The following STAU2 variants were observed in gnomAD, a reference collection of about 807,000 sequenced individuals.
STAU2 encodes the protein staufen double-stranded RNA binding protein 2, also known as double-stranded RNA-binding protein Staufen homolog 2.
In STAU2, 20 loss-of-function variants were observed where a neutral mutation model predicts 65.9. The observed-to-expected ratio is 0.30, with a 90% CI of 0.21 to 0.44. The LOEUF (loss-of-function observed/expected upper bound fraction) is 0.44, where lower values mean the gene tolerates loss of function less well. STAU2 is among the 20% of genes least tolerant of loss of function. STAU2 has a pLI of 1.00. For missense variants in STAU2, 558 were observed against 683.9 expected (o/e 0.82, Z 2.05); for synonymous variants, 232 against 233.9 (o/e 0.99, Z 0.07).
At chr8:73,584,249 C>A (rs1445815880) in intron 11 of STAU2, among the ~76,000 whole-genome samples, 1 of 152,192 alleles carries the variant, frequency 6.6e-6, no homozygotes, top group South Asian at 2.1e-4. Context: ...AAATTCCTGT[C>A]TTCATCAACA....
intron 4 of STAU2, among the ~76,000 whole-genome samples, chr8:73,700,275 CA>C (rs1428821444): frequency 6.6e-6 from 1 of 152,044 alleles, no homozygotes; most frequent in Admixed American, 6.5e-5. Context: ...CAAAGATGCC[CA>C]CTTTCACCAC....
chr8:73,699,860 C>CAAAAAAAAAAA (rs201419278), intron 4 of STAU2, among the ~76,000 whole-genome samples: 3 of 88,874 alleles, frequency 3.4e-5, no homozygotes, highest in African/African-American at 4.2e-5. Context: ...AAACACACAT[C>CAAAAAAAAAAA]AAAAAAAAAA....
chr8:73,507,657 G>T (rs1488530894), intron 13 of STAU2, among the ~76,000 whole-genome samples: 1 of 152,180 alleles, frequency 6.6e-6, no homozygotes, highest in African/African-American at 2.4e-5. Flanking sequence ...AAGTCAGCCT[G>T]TCCTTTGAAG....
intron 13 of STAU2, among the ~76,000 whole-genome samples, chr8:73,493,846 A>G (rs1214692458): frequency 6.6e-6 from 1 of 151,836 alleles, no homozygotes; most frequent in Non-Finnish European, 1.5e-5. Flanking sequence ...TCAGGTGTCT[A>G]TCAAAAGGAA....
At chr8:73,470,643 T>A (rs899635895) in intron 13 of STAU2, among the ~76,000 whole-genome samples, 31 of 151,668 alleles carry the variant, frequency 2.0e-4, no homozygotes, top group African/African-American at 4.4e-4. Flanking sequence ...ACAAAAAAAA[T>A]TTTTTTTTAA....
intron 13 of STAU2, among the ~76,000 whole-genome samples, chr8:73,444,213 C>G (rs1247093215): frequency 6.6e-6 from 1 of 152,058 alleles, no homozygotes; most frequent in Non-Finnish European, 1.5e-5. Context: ...TCGAGACCAG[C>G]CTGACCAACA....
At chr8:73,479,283 T>C (rs565073521) in intron 13 of STAU2, among the ~76,000 whole-genome samples, 5 of 152,252 alleles carry the variant, frequency 3.3e-5, no homozygotes, top group African/African-American at 1.2e-4. Context: ...TTTCTTCATT[T>C]TTTAAATAAT....
In STAU2 at chr8:73,565,335, G is replaced by C. The variant is rs566572571; in HGVS notation, c.1223-13016C>G. 5.9e-5 allele frequency among the ~76,000 whole-genome samples: 9 copies of C among 152,172 alleles called. No individual in the cohort carries two copies. In the South Asian group the frequency reaches 6.2e-4, roughly 11 times the overall value. On this transcript the variant is annotated intron_variant, in intron 12 of 14. Transcript: ENST00000524300. ...TCTCCTGCTGGCCATGTGAAGATGT[G>C]CTTGCTTCCCCTTTGCCATCTGCCA...
intron 11 of STAU2, among the ~76,000 whole-genome samples, chr8:73,589,386 A>C (rs73686836): frequency 0.18 from 27,803 of 152,170 alleles, 2,780 homozygotes; most frequent in African/African-American, 0.27. Flanking sequence ...GGAAGTCAAC[A>C]AAACAGGGCC....
intron 13 of STAU2, among the ~76,000 whole-genome samples, chr8:73,471,136 C>T (rs1265821827): frequency 6.6e-6 from 1 of 150,426 alleles, no homozygotes; most frequent in African/African-American, 2.4e-5. Flanking sequence ...AATAACTCAA[C>T]TGTCTTATAT....
chr8:73,718,639 T>A (rs920684634), intron 3 of STAU2, among the ~76,000 whole-genome samples: 2 of 152,184 alleles, frequency 1.3e-5, no homozygotes, highest in African/African-American at 4.8e-5. Flanking sequence ...TAAAAATTAG[T>A]GAGTAAGCCA....
At chr8:73,536,544 A>G (rs1254100399) in intron 13 of STAU2, among the ~76,000 whole-genome samples, 1 of 152,106 alleles carries the variant, frequency 6.6e-6, no homozygotes, top group East Asian at 1.9e-4. Context: ...TAATGAGGCG[A>G]CCCAATTTCC....
chr8:73,474,848 T>C (rs1820231268), intron 13 of STAU2, among the ~76,000 whole-genome samples: 2 of 152,194 alleles, frequency 1.3e-5, no homozygotes, highest in South Asian at 4.1e-4. Context: ...AAAATAACAG[T>C]GTACGTCACA....
At chr8:73,477,619 A>T (rs935775562) in intron 13 of STAU2, among the ~76,000 whole-genome samples, 1 of 152,188 alleles carries the variant, frequency 6.6e-6, no homozygotes, top group Non-Finnish European at 1.5e-5. Context: ...CAGGAAGAAC[A>T]GTTGCCATAG....
intron 1 of STAU2, among the ~76,000 whole-genome samples, chr8:73,744,071 A>AT (rs796185201): frequency 1.3e-5 from 2 of 151,924 alleles, no homozygotes; most frequent in African/African-American, 2.4e-5. Context: ...CACCTGGCCA[A>AT]TTTTTTTTAT....
intron 6 of STAU2, among the ~76,000 whole-genome samples, chr8:73,660,769 G>A (rs1031476115): frequency 9.9e-5 from 15 of 152,284 alleles, no homozygotes; most frequent in African/African-American, 2.9e-4. Context: ...AGGGAGAAAT[G>A]ATTCTCTGGG....
intron 10 of STAU2, among the ~76,000 whole-genome samples, chr8:73,600,006 G>A (rs991610750): frequency 5.3e-5 from 8 of 152,150 alleles, no homozygotes; most frequent in Non-Finnish European, 1.2e-4. Context: ...CTGACCTCGT[G>A]ATCCACCTGC....
chr8:73,537,891 T>C (rs1458960511), intron 13 of STAU2, among the ~76,000 whole-genome samples: 2 of 152,196 alleles, frequency 1.3e-5, no homozygotes, highest in Admixed American at 1.3e-4. Flanking sequence ...AGAGGAAACA[T>C]GTTATAAAGA....
intron 4 of STAU2, among the ~76,000 whole-genome samples, chr8:73,698,734 A>G (rs1209003665): frequency 6.6e-6 from 1 of 152,150 alleles, no homozygotes. Flanking sequence ...CGCTTTCAGC[A>G]TTGCACAGAT....
Sources: gnomAD v4.1 joint callset for allele counts (sites outside exome capture counted in the v4.1 genomes callset) on GRCh38, gnomAD v4.1.1 for gene constraint, MANE v1.5 for transcripts, NCBI Gene and HGNC (gene_info 2026-07-23, HGNC 2026-07-21) for gene names.